NUP210L: variants seen among roughly 807,000 people sequenced by gnomAD.
NUP210L encodes nucleoporin 210 like.
NUP210L carries 74 observed loss-of-function variants against 208.5 expected under a neutral mutation model. The ratio of observed to expected loss-of-function variants is 0.35; its 90% confidence interval spans 0.29 to 0.43. NUP210L has a LOEUF of 0.43. NUP210L is among the 20% of genes least tolerant of loss of function. The pLI is 1.00. For missense variants in NUP210L, 1,843 were observed against 2,289.4 expected, an observed-to-expected ratio of 0.81 and a Z score of 3.98; for synonymous variants, 780 against 816.9, an observed-to-expected ratio of 0.95 and a Z score of 0.77.
At chr1:154,065,090 T>TAAAATAA (rs374621827) in intron 17 of NUP210L, among the ~76,000 whole-genome samples, 16 of 20,158 alleles carry the variant, frequency 7.9e-4, no homozygotes, top group Non-Finnish European at 1.2e-3. Flanking sequence ...AATAAATAAA[T>TAAAATAA]AAAATAAAAT....
intron 31 of NUP210L, 97 bp from the exon 32 acceptor site, chr1:154,022,440 C>T (rs932496382): frequency 3.5e-5 from 31 of 882,056 alleles, no homozygotes; most frequent in Non-Finnish European, 2.0e-5. Context: ...TTCAACAGCT[C>T]AGAAGTTCAG....
At chr1:154,008,931 A>C (rs893011633) in intron 35 of NUP210L, among the ~76,000 whole-genome samples, 9 of 148,792 alleles carry the variant, frequency 6.0e-5, no homozygotes, top group African/African-American at 2.2e-4. Context: ...TTTTTTTGAG[A>C]TGAAGTCTTG....
At position 154,155,012 on chromosome 1, in the gene NUP210L, TC is replaced by T. The variant is rs750450754; in HGVS notation, c.32del (p.Arg11GlnfsTer103). On this transcript the variant is annotated frameshift_variant, in exon 1 of 40. Transcript: ENST00000368559. LOFTEE classifies it high-confidence loss of function. ...GCAAGAAGAAAAAGAGCCCGAAGCCTCGGCGTCTTGATGACGCCGGACAGCC... is the reference window on the plus strand; with the variant it reads ...GCAAGAAGAAAAAGAGCCCGAAGCCTGGCGTCTTGATGACGCCGGACAGCC... 3 of 1,612,350 alleles carry T rather than the reference TC, an allele frequency of 1.9e-6. No individual in the cohort carries two copies. In the African/African-American group the frequency reaches 4.0e-5, roughly 22 times the overall value.
At chr1:154,122,419 G>A (rs1657658533) in intron 10 of NUP210L, among the ~76,000 whole-genome samples, 2 of 152,162 alleles carry the variant, frequency 1.3e-5, no homozygotes, top group African/African-American at 4.8e-5. Flanking sequence ...CACTTTGGGA[G>A]GCCGAGGCAG....
At chr1:154,048,884 A>G (rs762941989) in intron 25 of NUP210L, among the ~76,000 whole-genome samples, 1 of 152,194 alleles carries the variant, frequency 6.6e-6, no homozygotes, top group Non-Finnish European at 1.5e-5. Context: ...GTTCCCTGGA[A>G]AGCAGAGCCA....
chr1:154,012,859 A>G (rs1451520823), intron 33 of NUP210L, among the ~76,000 whole-genome samples: 1 of 151,774 alleles, frequency 6.6e-6, no homozygotes, highest in Non-Finnish European at 1.5e-5. Flanking sequence ...ACACAAAATT[A>G]GCCGGGCTTG....
chr1:154,142,328 A>G (rs989947456), intron 3 of NUP210L, among the ~76,000 whole-genome samples: 5 of 152,174 alleles, frequency 3.3e-5, no homozygotes, highest in Non-Finnish European at 7.3e-5. Flanking sequence ...TGCTAGAATT[A>G]GAAGCATGAG....
chr1:154,154,987 G>T, exon 1 of NUP210L: 3 of 1,613,882 alleles, frequency 1.9e-6, no homozygotes, highest in Non-Finnish European at 2.5e-6. Context: ...CGGTGTAGAC[G>T]CAAGAAGAAA....
chr1:154,137,041 C>T (rs1658585792), intron 6 of NUP210L, among the ~76,000 whole-genome samples: 1 of 151,644 alleles, frequency 6.6e-6, no homozygotes, highest in Non-Finnish European at 1.5e-5. Context: ...AATGCTCATT[C>T]AGGTCCCTTC....
chr1:154,083,292 G>C (rs551079766), intron 16 of NUP210L, among the ~76,000 whole-genome samples: 1 of 152,254 alleles, frequency 6.6e-6, no homozygotes, highest in South Asian at 2.1e-4. Context: ...CCTTTAGCTA[G>C]ACACAAAGCG....
chr1:154,026,962 A>C (rs1651911656), intron 29 of NUP210L, among the ~76,000 whole-genome samples: 1 of 151,798 alleles, frequency 6.6e-6, no homozygotes, highest in African/African-American at 2.4e-5. Context: ...AGGCACCTGT[A>C]ATCCCAGCTA....
intron 23 of NUP210L, among the ~76,000 whole-genome samples, chr1:154,055,171 CTTTCT>C (rs767016306): frequency 0.016 from 1,820 of 116,442 alleles, 24 homozygotes; most frequent in Admixed American, 0.033. Context: ...TTCTTTCTTT[CTTTCT>C]TTCTTTCTTT....
intron 16 of NUP210L, among the ~76,000 whole-genome samples, chr1:154,085,610 T>A (rs1655585142): frequency 6.6e-6 from 1 of 152,164 alleles, no homozygotes; most frequent in Non-Finnish European, 1.5e-5. Context: ...CTCTGCTGGC[T>A]TTGACAAGCT....
intron 27 of NUP210L, among the ~76,000 whole-genome samples, chr1:154,043,581 C>T (rs371860067): frequency 6.6e-6 from 1 of 150,522 alleles, no homozygotes; most frequent in East Asian, 2.0e-4. Flanking sequence ...CTTGGCCTCC[C>T]AAAGTGAGCC....
chr1:154,127,441 AAT>A (rs762169073), intron 8 of NUP210L, 24 bp from the exon 9 acceptor site: 2 of 1,144,918 alleles, frequency 1.7e-6, no homozygotes, highest in African/African-American at 3.1e-5. Context: ...AAGAAACAAA[AAT>A]ATTAGAAGAG....
chr1:154,079,185 A>G (rs972127421), intron 16 of NUP210L, among the ~76,000 whole-genome samples: 2 of 152,162 alleles, frequency 1.3e-5, no homozygotes, highest in African/African-American at 4.8e-5. Context: ...CTTGAGCCGA[A>G]GAGTTCAAGG....
chr1:154,022,205 C>T (rs2147928282), exon 32 of NUP210L: 1 of 1,614,156 alleles, frequency 6.2e-7, no homozygotes, highest in Non-Finnish European at 8.5e-7. Context: ...CAATGGCATG[C>T]TCTACAGCAA....
chr1:154,006,828 A>T (rs1171264531), intron 35 of NUP210L, among the ~76,000 whole-genome samples: 2 of 136,702 alleles, frequency 1.5e-5, no homozygotes, highest in African/African-American at 2.7e-5. Flanking sequence ...ATATATATAT[A>T]TATATATATA....
At chr1:154,041,566 A>G (rs1652878248) in intron 27 of NUP210L, among the ~76,000 whole-genome samples, 1 of 151,820 alleles carries the variant, frequency 6.6e-6, no homozygotes, top group African/African-American at 2.4e-5. Context: ...CCTGACCTCA[A>G]GTGATCCACC....
Sources: allele counts gnomAD v4.1 joint callset (sites outside exome capture counted in the v4.1 genomes callset), GRCh38; gene constraint gnomAD v4.1.1; transcripts MANE v1.5; gene names NCBI Gene and HGNC (gene_info 2026-07-23, HGNC 2026-07-21).